PACS1: variants seen among roughly 807,000 people sequenced by gnomAD.
The protein encoded by PACS1 is phosphofurin acidic cluster sorting protein 1.
A neutral mutation model predicts 115.0 loss-of-function variants in PACS1; 24 were observed. The ratio of observed to expected loss-of-function variants is 0.21; its 90% CI spans 0.15 to 0.29. The LOEUF (loss-of-function observed/expected upper bound fraction) is 0.29, where lower values mean the gene tolerates loss of function less well. PACS1 is among the 10% of genes least tolerant of loss of function. PACS1 has a pLI of 1.00. For missense variants in PACS1, 838 were observed against 1,251.2 expected, an observed-to-expected ratio of 0.67 and a Z score of 4.98; for synonymous variants, 453 against 504.5, an observed-to-expected ratio of 0.90 and a Z score of 1.37.
chr11:66,232,921 T>C (rs113666724), intron 14 of PACS1, 39 bp from the exon 15 acceptor site: 2 of 1,465,066 alleles, frequency 1.4e-6, no homozygotes, highest in Non-Finnish European at 1.9e-6. Flanking sequence ...AGTGATGTGT[T>C]CTCACCTGTG....
Position 66,211,151 on chromosome 11 carries a change from G to A in PACS1, c.552G>A (p.Lys184=), listed in dbSNP as rs746787476. ...TTTCGTAGTACCCTCATTTCCTTAAGCGAGATGCCAACAAGCTGCAGATCA... is the reference window on the plus strand; with the variant it reads ...TTTCGTAGTACCCTCATTTCCTTAAACGAGATGCCAACAAGCTGCAGATCA... The part of the protein sequence containing the change: ...TFSLQYPHFL[K]RDANKLQIML... The change falls in exon 4 of 24, where the codon AAG becomes AAA. Residue 184 remains lysine, a synonymous_variant. Coordinates refer to ENST00000320580, the MANE Select transcript of PACS1 (RefSeq NM_018026.4). 6.2e-7 allele frequency: 1 copy of A among 1,613,752 alleles called. No individual in the cohort carries two copies. The highest frequency in any genetic ancestry group is 1.1e-5 in the South Asian group (1 of 91,078).
At chr11:66,126,380 C>T (rs1229159693) in intron 1 of PACS1, among the ~76,000 whole-genome samples, 2 of 152,212 alleles carry the variant, frequency 1.3e-5, no homozygotes, top group Non-Finnish European at 2.9e-5. Context: ...CAGGTAATCC[C>T]TGAACAAGTA....
chr11:66,224,507 G>A (rs182713354), intron 10 of PACS1, among the ~76,000 whole-genome samples: 3 of 152,314 alleles, frequency 2.0e-5, no homozygotes, highest in East Asian at 1.9e-4. Context: ...ATTGCTCACC[G>A]ACTACTATTG....
chr11:66,207,762 G>A (rs1670157243), intron 2 of PACS1, among the ~76,000 whole-genome samples: 1 of 151,958 alleles, frequency 6.6e-6, no homozygotes, highest in African/African-American at 2.4e-5. Context: ...TATAATCTTG[G>A]CTTTTGTTTT....
Position 66,070,746 on chromosome 11 carries a change from C to A in PACS1, c.260C>A (p.Pro87His). Residue 87 changes from proline to histidine, a missense_variant, in exon 1 of 24, where the codon CCC (proline) becomes CAC (histidine). By Grantham distance (77) the Pro-to-His change is moderately conservative. Transcript: ENST00000320580. The surrounding 1 kb of genome is among the most constrained non-coding windows in gnomAD (Gnocchi z 5.9). ...GCGGTGGCCTCGGGCTCCGCGCCTC[C>A]CGGTGGCCCGGGGCCAGGCCGCACC... ...AVAVASGSAP[P>H]GGPGPGRTPA... 1 of 1,558,094 alleles carries A rather than the reference C, an allele frequency of 6.4e-7. No individual in the cohort carries two copies. The highest frequency in any genetic ancestry group is 2.5e-5 in the East Asian group (1 of 40,006).
At chr11:66,173,574 G>A (rs1417520541) in intron 1 of PACS1, among the ~76,000 whole-genome samples, 1 of 151,926 alleles carries the variant, frequency 6.6e-6, no homozygotes, top group Non-Finnish European at 1.5e-5. Context: ...GCTGGGCATG[G>A]TGGTGTGTGC....
At chr11:66,210,277 C>G (rs1855040452) in intron 2 of PACS1, 85 bp from the exon 3 acceptor site, 3 of 987,674 alleles carry the variant, frequency 3.0e-6, no homozygotes, top group Non-Finnish European at 4.9e-6. Context: ...TCCAAGCAGT[C>G]CTTCTGCCTC....
At chr11:66,109,128 G>A (rs1171033901) in intron 1 of PACS1, among the ~76,000 whole-genome samples, 2 of 152,146 alleles carry the variant, frequency 1.3e-5, no homozygotes, top group African/African-American at 4.8e-5. Context: ...ATTTATTGAA[G>A]ACAAAACTAT....
At chr11:66,208,058 C>A (rs1244473344) in intron 2 of PACS1, among the ~76,000 whole-genome samples, 1 of 152,124 alleles carries the variant, frequency 6.6e-6, no homozygotes, top group African/African-American at 2.4e-5. Context: ...TGCCACCACA[C>A]CCAGGCTTCT....
chr11:66,188,434 G>C (rs1340105512), intron 1 of PACS1, among the ~76,000 whole-genome samples: 1 of 151,996 alleles, frequency 6.6e-6, no homozygotes, highest in Non-Finnish European at 1.5e-5. Flanking sequence ...CTACCAAATG[G>C]TTTTCTCGAG....
rs1409097307 is a variant in PACS1 at position 66,070,721 on chromosome 11, G to A, written c.235G>A (p.Ala79Thr). The change falls in exon 1 of 24, where the codon GCG (alanine) becomes ACG (threonine). Residue 79 changes from alanine to threonine, a missense_variant. This residue lies in a region of PACS1 where 129 missense variants were observed against 109.4 expected (regional missense o/e 1.18). Transcript: ENST00000320580. This position sits in a 1 kb window ranked among gnomAD's most constrained non-coding sequence, Gnocchi z 5.9. The part of the protein sequence containing the change: ...SSSTSTSMAV[A>T]VASGSAPPGG... Reference sequence around the variant, plus strand: ...GTCTACCTCCACCTCCATGGCCGTGGCGGTGGCCTCGGGCTCCGCGCCTCC... The same window carrying A: ...GTCTACCTCCACCTCCATGGCCGTGACGGTGGCCTCGGGCTCCGCGCCTCC... The A allele has an allele frequency of 6.4e-7, 1 of 1,572,596 alleles. No homozygotes were observed. Among genetic ancestry groups the A allele is most frequent in the Non-Finnish European group, 8.6e-7 (1 of 1,167,264 alleles).
intron 1 of PACS1, among the ~76,000 whole-genome samples, chr11:66,086,816 CA>C (rs1857578357): frequency 6.6e-6 from 1 of 151,880 alleles, no homozygotes; most frequent in Non-Finnish European, 1.5e-5. Flanking sequence ...GGGGTTTCAC[CA>C]AGTTGGTCAG....
intron 4 of PACS1, among the ~76,000 whole-genome samples, chr11:66,213,651 A>G (rs1855130479): frequency 6.6e-6 from 1 of 152,246 alleles, no homozygotes; most frequent in Non-Finnish European, 1.5e-5. Flanking sequence ...TCTAACCGTG[A>G]GCACACATCG....
chr11:66,225,423 T>G (rs1590832885), intron 10 of PACS1, among the ~76,000 whole-genome samples: 1 of 152,290 alleles, frequency 6.6e-6, no homozygotes, highest in East Asian at 1.9e-4. Context: ...AAATTGGGAA[T>G]TTGTCCCCAG....
intron 1 of PACS1, among the ~76,000 whole-genome samples, chr11:66,181,213 T>A (rs1001521014): frequency 4.1e-4 from 62 of 151,748 alleles, no homozygotes; most frequent in Admixed American, 7.9e-4. Flanking sequence ...TTTAATTTTT[T>A]ATTTTTTATT....
At chr11:66,115,784 C>T (rs1198733356) in intron 1 of PACS1, among the ~76,000 whole-genome samples, 1 of 152,204 alleles carries the variant, frequency 6.6e-6, no homozygotes, top group Non-Finnish European at 1.5e-5. Flanking sequence ...CACCTTCCCT[C>T]CTCCCCTTCT....
intron 7 of PACS1, chr11:66,219,460 G>A: frequency 1.8e-6 from 1 of 551,654 alleles, no homozygotes; most frequent in Non-Finnish European, 3.4e-6. Context: ...GCAAGAGAAA[G>A]GGATGAGCTG....
At position 66,242,577 on chromosome 11, in the gene PACS1, C is replaced by G. The variant is rs1040573140; in HGVS notation, c.2657-335C>G. Among the ~76,000 whole-genome samples the G allele has an allele frequency of 2.0e-5, 3 of 152,330 alleles. No individual in the cohort carries two copies. In the South Asian group the frequency reaches 6.2e-4, roughly 32 times the overall value. On this transcript the variant is annotated intron_variant, in intron 22 of 23. Coordinates refer to ENST00000320580, the MANE Select transcript of PACS1 (RefSeq NM_018026.4). Reference sequence around the variant, plus strand: ...TGCACTGGCTCCTGCATAGAGCATGCGCCTGATAGGGAGGCAGGCCCCTGC... The same window carrying G: ...TGCACTGGCTCCTGCATAGAGCATGGGCCTGATAGGGAGGCAGGCCCCTGC...
intron 1 of PACS1, among the ~76,000 whole-genome samples, chr11:66,119,453 G>A: frequency 6.6e-6 from 1 of 152,226 alleles, no homozygotes; most frequent in East Asian, 1.9e-4. Flanking sequence ...TACAGAGAAA[G>A]CTTGCTGGCT....
Sources: allele counts gnomAD v4.1 joint callset (sites outside exome capture counted in the v4.1 genomes callset), GRCh38; gene constraint gnomAD v4.1.1; regional missense constraint gnomAD v4.1.1; non-coding constraint Gnocchi (gnomAD v3.1); transcripts MANE v1.5; gene names NCBI Gene and HGNC (gene_info 2026-07-23, HGNC 2026-07-21).